Variants in PHF14 observed in about 807,000 individuals in gnomAD.
PHF14 encodes PHD finger protein 14.
A neutral mutation model predicts 117.9 loss-of-function variants in PHF14; 55 were observed. That is an observed-to-expected ratio of 0.47 (90% confidence interval 0.38 to 0.58). The LOEUF is 0.58. Among genes scored for constraint, PHF14 ranks in the 20% least tolerant of loss-of-function variants. PHF14 has a pLI of 0.00. For missense variants in PHF14, 978 were observed against 1,122.2 expected (o/e 0.87, Z 1.84); for synonymous variants, 409 against 368.6 (o/e 1.11, Z -1.26).
chr7:11,117,135 A>T (rs1036367700), intron 17 of PHF14, among the ~76,000 whole-genome samples: 1 of 151,942 alleles, frequency 6.6e-6, no homozygotes, highest in African/African-American at 2.4e-5. Context: ...GTATTCACAG[A>T]CGCCACTGAG....
intron 6 of PHF14, among the ~76,000 whole-genome samples, chr7:11,024,377 A>C (rs1323817522): frequency 1.3e-5 from 2 of 152,234 alleles, no homozygotes; most frequent in African/African-American, 4.8e-5. Flanking sequence ...TAGCTAAGAC[A>C]AATGATGAAG....
chr7:10,990,446 T>C (rs1012890452), intron 3 of PHF14, among the ~76,000 whole-genome samples: 2 of 152,146 alleles, frequency 1.3e-5, no homozygotes, highest in African/African-American at 4.8e-5. Flanking sequence ...CTTTTTCATA[T>C]CCTAGAGGAG....
At chr7:11,023,115 A>T in intron 6 of PHF14, 136 bp downstream of exon 6, 1 of 518,694 alleles carries the variant, frequency 1.9e-6, no homozygotes, top group Non-Finnish European at 3.5e-6. Context: ...ATCATTTATT[A>T]TTGATAGTAG....
Position 11,169,429 on chromosome 7 carries a change from A to T in PHF14, c.2786A>T (p.Glu929Val). ...DSSSSKEDEN[E>V]AERKNISQEL... ...TTTATTTCACAGGAAGATGAAAATG[A>T]AGCTGAAAGAAAAAATATATCTCAG... The change falls in exon 18 of 18, where the codon GAA becomes GTA. Residue 929 changes from glutamate to valine, a missense_variant. Physicochemically the swap from Glu to Val is moderately radical, Grantham distance 121. This residue lies in a region of PHF14 where 180 missense variants were observed against 195.4 expected (regional missense o/e 0.92). Transcript: ENST00000634607. The T allele has an allele frequency of 6.8e-7, 1 of 1,465,240 alleles. No homozygotes were observed. The highest frequency in any genetic ancestry group is 9.3e-7 in the Non-Finnish European group (1 of 1,071,916). 90.8% of individuals were successfully genotyped at this position (1,465,240 alleles called of 1,614,324 possible).
chr7:11,102,318 G>A (rs1787120349), intron 16 of PHF14, among the ~76,000 whole-genome samples: 1 of 151,640 alleles, frequency 6.6e-6, no homozygotes, highest in African/African-American at 2.4e-5. Context: ...TAACCAATAG[G>A]AACCTACACA....
intron 14 of PHF14, 24 bp from the exon 15 acceptor site, chr7:11,061,767 G>GTTTTTTTTTTTTTT: frequency 1.7e-6 from 2 of 1,157,332 alleles, no homozygotes; most frequent in Non-Finnish European, 2.3e-6. Context: ...TTTGTTTTTT[G>GTTTTTTTTTTTTTT]TTTTTTTTTT....
intron 16 of PHF14, chr7:11,107,588 A>G (rs567260374): frequency 1.2e-6 from 1 of 824,432 alleles, no homozygotes; most frequent in East Asian, 1.2e-4. Flanking sequence ...TTTTTATTTT[A>G]TTAAAAAATC....
intron 7 of PHF14, among the ~76,000 whole-genome samples, chr7:11,030,899 G>A (rs1468382557): frequency 6.6e-6 from 1 of 152,074 alleles, no homozygotes; most frequent in African/African-American, 2.4e-5. Flanking sequence ...TTTTCTGAAC[G>A]ATATTTCAAA....
chr7:10,982,825 G>A lies in PHF14; in HGVS notation c.566G>A (p.Arg189Gln). The change falls in exon 3 of 18, where the codon CGA becomes CAA. Residue 189 changes from arginine to glutamine, a missense_variant. Transcript: ENST00000634607. ...EPKKWNLRRN[R>Q]PLLDFVSMEE... ...AAAAAATGGAACCTTCGACGAAACC[G>A]ACCACTTCTGGATTTTGTGTCCATG... 6.2e-7 allele frequency: 1 copy of A among 1,613,816 alleles called. No homozygotes were observed. Among genetic ancestry groups the A allele is most frequent in the Non-Finnish European group, 8.5e-7 (1 of 1,179,856 alleles).
intron 4 of PHF14, among the ~76,000 whole-genome samples, chr7:10,999,122 G>GT (rs1278276452): frequency 6.6e-6 from 1 of 152,162 alleles, no homozygotes. Context: ...CAATCTTCTT[G>GT]TTTCAGCTTC....
In PHF14 at chr7:10,982,419, G is replaced by C. The variant is rs1254330471; in HGVS notation, c.160G>C (p.Gly54Arg). 1.9e-6 allele frequency: 3 copies of C among 1,587,110 alleles called. No individual in the cohort carries two copies. Among genetic ancestry groups the C allele is most frequent in the African/African-American group, 1.4e-5 (1 of 73,194 alleles). The change falls in exon 3 of 18, where the codon GGA becomes CGA. Residue 54 changes from glycine (G) to arginine (R), a missense_variant. Gly to Arg is a moderately radical substitution (Grantham distance 125). Around this residue, in one of 7 missense-constraint regions of PHF14, gnomAD observed 414 missense variants for 376.4 expected, o/e 1.10. Transcript: ENST00000634607. The stretch of plus-strand genomic sequence containing the variant: ...AAGTGAAGATGCTTCAAAGGACAGT[G>C]GAGAAGGTTCCTGTAGTGATTCTGA... The part of the protein sequence containing the change: ...NGSEDASKDS[G>R]EGSCSDSEEN...
intron 17 of PHF14, among the ~76,000 whole-genome samples, chr7:11,113,923 G>A (rs1167075899): frequency 6.6e-6 from 1 of 152,038 alleles, no homozygotes; most frequent in Non-Finnish European, 1.5e-5. Context: ...ACATCTTAGG[G>A]CTTAAAAGAA....
chr7:11,132,688 A>G (rs941959149), intron 17 of PHF14, among the ~76,000 whole-genome samples: 1 of 151,948 alleles, frequency 6.6e-6, no homozygotes, highest in East Asian at 1.9e-4. Flanking sequence ...TTATAATGGT[A>G]TAATGGTAAT....
intron 16 of PHF14, among the ~76,000 whole-genome samples, chr7:11,091,912 G>A (rs565363482): frequency 6.6e-6 from 1 of 152,280 alleles, no homozygotes; most frequent in East Asian, 1.9e-4. Flanking sequence ...GATATTGAAG[G>A]TACAGCAGGA....
intron 17 of PHF14, among the ~76,000 whole-genome samples, chr7:11,119,436 G>A (rs1222236444): frequency 1.3e-5 from 2 of 151,706 alleles, no homozygotes; most frequent in Non-Finnish European, 3.0e-5. Flanking sequence ...AAGTGGTGTG[G>A]AATATATTAA....
At chr7:11,031,998 T>C (rs1784136590) in intron 7 of PHF14, among the ~76,000 whole-genome samples, 1 of 152,172 alleles carries the variant, frequency 6.6e-6, no homozygotes, top group African/African-American at 2.4e-5. Context: ...CACACGCCTG[T>C]AATCCCAGTA....
At position 10,989,634 on chromosome 7, in the gene PHF14, A is replaced by G. The variant is rs576767906; in HGVS notation, c.901-1069A>G. On this transcript the variant is annotated intron_variant, in intron 3 of 17. Transcript: ENST00000634607. ...TATTAGTTTATTAATACGTCTTCCT[A>G]TACTTTTTCTTTTTGAGACAGGGTC... 3.7e-4 allele frequency among the ~76,000 whole-genome samples: 57 copies of G among 152,232 alleles called. No homozygotes were observed. The Middle Eastern group carries it at 0.014, about 36-fold the overall frequency.
At chr7:11,033,729 A>G (rs1278554714) in intron 7 of PHF14, among the ~76,000 whole-genome samples, 2 of 152,118 alleles carry the variant, frequency 1.3e-5, no homozygotes, top group African/African-American at 4.8e-5. Flanking sequence ...ATCTCTAATG[A>G]CTCAATTTCA....
chr7:10,994,824 G>C (rs1184503293), intron 4 of PHF14, among the ~76,000 whole-genome samples: 2 of 152,150 alleles, frequency 1.3e-5, no homozygotes, highest in African/African-American at 2.4e-5. Context: ...AGCTCATAAA[G>C]GCAGCGCGTA....
Sources: allele counts gnomAD v4.1 joint callset (sites outside exome capture counted in the v4.1 genomes callset), GRCh38; gene constraint gnomAD v4.1.1; regional missense constraint gnomAD v4.1.1; transcripts MANE v1.5; gene names NCBI Gene and HGNC (gene_info 2026-07-23, HGNC 2026-07-21).